The following SIK3 variants were observed in gnomAD, a reference collection of about 807,000 sequenced individuals.
SIK3 encodes SIK family kinase 3, also known as serine/threonine-protein kinase SIK3.
Under a neutral mutation model 144.2 loss-of-function variants are expected in SIK3, and 28 were observed. That is an observed-to-expected ratio of 0.19 (90% CI 0.14 to 0.27). The LOEUF (loss-of-function observed/expected upper bound fraction) is 0.27, where lower values mean the gene tolerates loss of function less well. Among genes scored for constraint, SIK3 ranks in the 10% least tolerant of loss-of-function variants. The pLI, the probability that SIK3 is intolerant of heterozygous loss-of-function variation, is 1.00. For missense variants in SIK3, 1,319 were observed against 1,776.0 expected, an observed-to-expected ratio of 0.74 and a Z score of 4.62; for synonymous variants, 686 against 676.3, an observed-to-expected ratio of 1.01 and a Z score of -0.22.
intron 1 of SIK3, among the ~76,000 whole-genome samples, chr11:117,055,019 C>T (rs1360677726): frequency 6.6e-6 from 1 of 152,122 alleles, no homozygotes; most frequent in Non-Finnish European, 1.5e-5. Flanking sequence ...AGAATTATCT[C>T]ATTTAATATT....
chr11:116,974,694 C>A (rs1949886515), intron 1 of SIK3, among the ~76,000 whole-genome samples: 1 of 152,146 alleles, frequency 6.6e-6, no homozygotes, highest in African/African-American at 2.4e-5. Flanking sequence ...CGTACCTGGC[C>A]TTGAAATCTT....
At position 116,873,569 on chromosome 11, in the gene SIK3, G is replaced by T. The variant is rs1944076417; in HGVS notation, c.1649C>A (p.Ala550Glu). 6.2e-7 allele frequency: 1 copy of T among 1,610,150 alleles called. No individual in the cohort carries two copies. Among genetic ancestry groups the T allele is most frequent in the African/African-American group, 1.3e-5 (1 of 74,692 alleles). The part of the protein sequence containing the change: ...LNGMGPLGRR[A>E]SDGGANIQLH... ...TTGGATGTTGGCTCCTCCATCTGAT[G>T]CCCTCCGGCCAAGGGGGCCCATTCC... The change falls in exon 13 of 25, where the codon GCA becomes GAA. Residue 550 changes from alanine to glutamate, a missense_variant. Transcript: ENST00000445177.
At chr11:117,040,382 A>C (rs140274469) in intron 1 of SIK3, among the ~76,000 whole-genome samples, 33 of 152,236 alleles carry the variant, frequency 2.2e-4, no homozygotes, top group African/African-American at 7.9e-4. Flanking sequence ...TGACATTATT[A>C]CTCTGTTAAT....
At chr11:117,039,809 T>A (rs2135848521) in intron 1 of SIK3, among the ~76,000 whole-genome samples, 1 of 152,306 alleles carries the variant, frequency 6.6e-6, no homozygotes. Context: ...AGAAGAAAAC[T>A]ACGGTTTACA....
chr11:116,957,806 A>C (rs1266221981), intron 1 of SIK3, among the ~76,000 whole-genome samples: 1 of 152,214 alleles, frequency 6.6e-6, no homozygotes, highest in Admixed American at 6.5e-5. Flanking sequence ...ATTGAAGCCT[A>C]GGTAGCTTGG....
chr11:116,886,525 T>C (rs1438029228), intron 6 of SIK3, among the ~76,000 whole-genome samples: 2 of 152,228 alleles, frequency 1.3e-5, no homozygotes, highest in African/African-American at 4.8e-5. Flanking sequence ...GGTTTTGCGT[T>C]CCCAGTAATA....
At chr11:116,994,579 G>C (rs1950598669) in intron 1 of SIK3, among the ~76,000 whole-genome samples, 2 of 152,276 alleles carry the variant, frequency 1.3e-5, no homozygotes, top group Middle Eastern at 3.4e-3. Flanking sequence ...GTGCTTGGTG[G>C]TAAGGATTCA....
At chr11:117,016,276 C>T (rs1591541017) in intron 1 of SIK3, among the ~76,000 whole-genome samples, 1 of 145,674 alleles carries the variant, frequency 6.9e-6, no homozygotes, top group Non-Finnish European at 1.5e-5. Context: ...CAGTGAGCCG[C>T]GATCACGCCA....
chr11:116,908,968 T>TAA (rs1449210998), intron 4 of SIK3, among the ~76,000 whole-genome samples: 1 of 152,226 alleles, frequency 6.6e-6, no homozygotes, highest in Non-Finnish European at 1.5e-5. Context: ...TCGTTGCAGC[T>TAA]GTTAGTAAGT....
intron 1 of SIK3, among the ~76,000 whole-genome samples, chr11:116,978,190 C>T (rs1354390786): frequency 6.6e-6 from 1 of 151,742 alleles, no homozygotes. Flanking sequence ...TGCACTCCAG[C>T]CTTGGTGACA....
intron 3 of SIK3, among the ~76,000 whole-genome samples, chr11:116,948,196 C>A (rs537435501): frequency 1.3e-4 from 20 of 152,132 alleles, no homozygotes; most frequent in South Asian, 4.2e-4. Flanking sequence ...CCTCAGCCCC[C>A]CAAAGTGCTA....
At chr11:117,075,643 G>A (rs755725648) in intron 1 of SIK3, among the ~76,000 whole-genome samples, 8 of 148,188 alleles carry the variant, frequency 5.4e-5, no homozygotes, top group African/African-American at 7.5e-5. Flanking sequence ...CCAGGTTCAC[G>A]CCATTCTCCT....
intron 1 of SIK3, among the ~76,000 whole-genome samples, chr11:117,069,198 TTTG>T (rs986247500): frequency 9.6e-6 from 1 of 104,402 alleles, no homozygotes; most frequent in African/African-American, 3.2e-5. Context: ...GGGGGGGGGG[TTTG>T]TTGTTGTTAT....
At chr11:116,986,652 C>T (rs1052825679) in intron 1 of SIK3, among the ~76,000 whole-genome samples, 1 of 152,170 alleles carries the variant, frequency 6.6e-6, no homozygotes, top group Non-Finnish European at 1.5e-5. Flanking sequence ...TAACCTCAGG[C>T]ATGTAATAAG....
intron 1 of SIK3, among the ~76,000 whole-genome samples, chr11:117,013,560 C>T (rs931373514): frequency 1.3e-5 from 2 of 151,874 alleles, no homozygotes; most frequent in East Asian, 3.9e-4. Context: ...TAAGTTAAAA[C>T]TTTTATTGTA....
chr11:117,059,315 A>G (rs1368743902), intron 1 of SIK3, among the ~76,000 whole-genome samples: 1 of 152,246 alleles, frequency 6.6e-6, no homozygotes, highest in Non-Finnish European at 1.5e-5. Flanking sequence ...AATAGGAATT[A>G]AAGTCTCAGT....
In SIK3 at chr11:116,858,717, A is replaced by T; in HGVS notation, c.2766-18T>A. 1 of 1,522,786 alleles carries T rather than the reference A, an allele frequency of 6.6e-7. No individual in the cohort carries two copies. Among genetic ancestry groups the T allele is most frequent in the Non-Finnish European group, 8.8e-7 (1 of 1,135,316 alleles). The allele number at this position is 1,522,786 out of a possible 1,614,324, so 94.3% of individuals were successfully genotyped here. A position where few individuals can be genotyped will look rare whatever the true frequency, so the allele number is the denominator to read the frequency against. The stretch of plus-strand genomic sequence containing the variant: ...CGTTCAAGCTGCAGACACAAAAGGG[A>T]GTACCAGACATCCATGTAACAAGTA... On this transcript the variant is annotated intron_variant, in intron 20 of 24. Coordinates refer to ENST00000445177, the MANE Select transcript of SIK3 (RefSeq NM_001366686.3). The surrounding 1 kb of genome is among the most constrained non-coding windows in gnomAD (Gnocchi z 5.4).
chr11:116,915,304 A>G (rs1027828054), intron 4 of SIK3, among the ~76,000 whole-genome samples: 1 of 152,062 alleles, frequency 6.6e-6, no homozygotes, highest in Non-Finnish European at 1.5e-5. Context: ...GAACCACGGC[A>G]CCTGGCTTTG....
chr11:117,082,722 T>C (rs1954840032), intron 1 of SIK3, among the ~76,000 whole-genome samples: 1 of 152,144 alleles, frequency 6.6e-6, no homozygotes, highest in Non-Finnish European at 1.5e-5. Flanking sequence ...CACAGCTCCA[T>C]GAATACACTT....
Sources: allele counts gnomAD v4.1 joint callset (sites outside exome capture counted in the v4.1 genomes callset), GRCh38; gene constraint gnomAD v4.1.1; non-coding constraint Gnocchi (gnomAD v3.1); transcripts MANE v1.5; gene names NCBI Gene and HGNC (gene_info 2026-07-23, HGNC 2026-07-21).